The following EFNA5 variants were observed in gnomAD, a reference collection of about 807,000 sequenced individuals.
EFNA5 encodes ephrin-A5.
EFNA5 carries 5 observed loss-of-function variants against 22.9 expected under a neutral mutation model. The observed-to-expected ratio is 0.22, with a 90% CI of 0.11 to 0.46. The LOEUF is 0.46. EFNA5 is among the 20% of genes least tolerant of loss of function. EFNA5 has a pLI of 0.99. For missense variants in EFNA5, 237 were observed against 293.3 expected, an observed-to-expected ratio of 0.81 and a Z score of 1.40; for synonymous variants, 113 against 112.2, an observed-to-expected ratio of 1.01 and a Z score of -0.04.
At chr5:107,442,812 G>T (rs114386649) in intron 1 of EFNA5, among the ~76,000 whole-genome samples, 1 of 150,446 alleles carries the variant, frequency 6.6e-6, no homozygotes, top group Non-Finnish European at 1.5e-5. Context: ...TTCTGGATTG[G>T]GATCAAAACA....
intron 1 of EFNA5, among the ~76,000 whole-genome samples, chr5:107,454,169 C>T (rs2112449509): frequency 6.6e-6 from 1 of 152,162 alleles, no homozygotes; most frequent in Non-Finnish European, 1.5e-5. Context: ...TTCCAAAAGT[C>T]CAAATGCATT....
At chr5:107,628,755 GTCT>G (rs1257412833) in intron 1 of EFNA5, among the ~76,000 whole-genome samples, 1 of 152,140 alleles carries the variant, frequency 6.6e-6, no homozygotes, top group Non-Finnish European at 1.5e-5. Flanking sequence ...CTGTCCCTTA[GTCT>G]TCTGAAGGCT....
intron 2 of EFNA5, among the ~76,000 whole-genome samples, chr5:107,394,675 A>G (rs1046043716): frequency 6.6e-6 from 1 of 152,318 alleles, no homozygotes; most frequent in Middle Eastern, 3.4e-3. Flanking sequence ...CCCTTAAGGC[A>G]AAGTTCTCAC....
intron 1 of EFNA5, among the ~76,000 whole-genome samples, chr5:107,599,150 A>G (rs749283831): frequency 6.6e-6 from 1 of 152,234 alleles, no homozygotes; most frequent in Non-Finnish European, 1.5e-5. Flanking sequence ...ATTTGAAATG[A>G]TGTGTGTACA....
intron 1 of EFNA5, among the ~76,000 whole-genome samples, chr5:107,591,742 C>T (rs1282276188): frequency 7.0e-6 from 1 of 141,846 alleles, no homozygotes; most frequent in Admixed American, 7.6e-5. Context: ...AATTGCTTGA[C>T]CCTGGGAGGC....
rs188777824 is a variant in EFNA5, at chr5:107,392,208, T to C, written c.419-4437A>G. Among the ~76,000 whole-genome samples, 694 of 152,264 alleles carry C rather than the reference T, an allele frequency of 4.6e-3. 1 individual carries two copies. Among genetic ancestry groups the C allele is most frequent in the Non-Finnish European group, 6.0e-3 (406 of 68,012 alleles). ...GGTCCCAGGTATCCCCACATTCCTG[T>C]AGGCAGTCCTTTGTATAATCCCCTC... On this transcript the variant is annotated intron_variant, in intron 2 of 4. Coordinates refer to ENST00000333274, the MANE Select transcript of EFNA5 (RefSeq NM_001962.3).
chr5:107,532,645 C>A (rs1312931205), intron 1 of EFNA5, among the ~76,000 whole-genome samples: 1 of 152,186 alleles, frequency 6.6e-6, no homozygotes, highest in Non-Finnish European at 1.5e-5. Context: ...GGTCCTCTAC[C>A]ACAATTGGAC....
chr5:107,512,451 T>C (rs1747391680), intron 1 of EFNA5, among the ~76,000 whole-genome samples: 1 of 151,574 alleles, frequency 6.6e-6, no homozygotes, highest in South Asian at 2.1e-4. Context: ...TACTCTAGCC[T>C]GTTTTTTTTT....
intron 1 of EFNA5, among the ~76,000 whole-genome samples, chr5:107,598,876 A>G (rs1749530911): frequency 2.0e-5 from 3 of 152,166 alleles, no homozygotes. Context: ...CTGACTGTGA[A>G]CCATTTCTTT....
intron 1 of EFNA5, among the ~76,000 whole-genome samples, chr5:107,598,050 A>G (rs1026887550): frequency 4.6e-5 from 7 of 152,194 alleles, no homozygotes; most frequent in African/African-American, 1.7e-4. Context: ...ACCATTTACG[A>G]TAACTTTAAG....
chr5:107,587,558 C>T (rs1185018181), intron 1 of EFNA5, among the ~76,000 whole-genome samples: 2 of 152,070 alleles, frequency 1.3e-5, no homozygotes, highest in Non-Finnish European at 2.9e-5. Flanking sequence ...GCGCTGTTGC[C>T]CAGGCTGGAG....
chr5:107,416,169 A>T (rs937844707), intron 2 of EFNA5, among the ~76,000 whole-genome samples: 2 of 152,096 alleles, frequency 1.3e-5, no homozygotes, highest in Non-Finnish European at 2.9e-5. Context: ...CTATAAACCC[A>T]TTTACTTCCT....
chr5:107,394,979 C>G (rs990632441), intron 2 of EFNA5, among the ~76,000 whole-genome samples: 1 of 145,904 alleles, frequency 6.9e-6, no homozygotes, highest in Non-Finnish European at 1.5e-5. Flanking sequence ...CCAAAAATAA[C>G]GTGGATTTTG....
intron 1 of EFNA5, among the ~76,000 whole-genome samples, chr5:107,568,589 T>C (rs1193792512): frequency 6.6e-6 from 1 of 152,202 alleles, no homozygotes; most frequent in African/African-American, 2.4e-5. Flanking sequence ...TGACTCCTTC[T>C]TCCATTGGCC....
intron 1 of EFNA5, among the ~76,000 whole-genome samples, chr5:107,591,969 TATATATA>T (rs1313935151): frequency 1.8e-3 from 52 of 28,850 alleles, no homozygotes; most frequent in Non-Finnish European, 2.3e-3. Flanking sequence ...ATATATATAA[TATATATA>T]ATATATAATA....
rs562112965 is a variant in EFNA5, at chr5:107,627,842, T to A, written c.125+42647A>T. On this transcript the variant is annotated intron_variant, in intron 1 of 4. Coordinates refer to ENST00000333274, the MANE Select transcript of EFNA5 (RefSeq NM_001962.3). ...TTTGTTTTTACTAGAAGAGACTAAG[T>A]CCTATTCATTAGCATTGCTCACTGT... Among the ~76,000 whole-genome samples, 3 of 152,278 alleles carry A rather than the reference T, an allele frequency of 2.0e-5. No homozygotes were observed. The East Asian group carries it at 5.8e-4, about 29-fold the overall frequency.
At chr5:107,414,067 A>G (rs1320482456) in intron 2 of EFNA5, among the ~76,000 whole-genome samples, 1 of 152,170 alleles carries the variant, frequency 6.6e-6, no homozygotes, top group Admixed American at 6.5e-5. Flanking sequence ...TTCCTACTTT[A>G]AGCCAATGTT....
intron 1 of EFNA5, among the ~76,000 whole-genome samples, chr5:107,462,877 G>A (rs920626721): frequency 3.3e-5 from 5 of 152,134 alleles, no homozygotes. Context: ...TTATGAATCT[G>A]AAGTTCATTC....
intron 1 of EFNA5, among the ~76,000 whole-genome samples, chr5:107,570,712 T>C (rs1561436381): frequency 6.6e-6 from 1 of 151,968 alleles, no homozygotes; most frequent in Non-Finnish European, 1.5e-5. Flanking sequence ...AGCAAGTAAA[T>C]CTCAGTTTCT....
Sources: gnomAD v4.1 joint callset for allele counts (sites outside exome capture counted in the v4.1 genomes callset) on GRCh38, gnomAD v4.1.1 for gene constraint, MANE v1.5 for transcripts, NCBI Gene and HGNC (gene_info 2026-07-23, HGNC 2026-07-21) for gene names.